TRIM2: variants seen among roughly 807,000 people sequenced by gnomAD.
TRIM2 encodes the protein tripartite motif containing 2, also known as tripartite motif-containing protein 2.
A neutral mutation model predicts 75.2 loss-of-function variants in TRIM2; 20 were observed. The observed-to-expected ratio is 0.27, with a 90% CI of 0.19 to 0.39. The LOEUF is 0.39. Among genes scored for constraint, TRIM2 ranks in the 10% least tolerant of loss-of-function variants. TRIM2 has a pLI of 1.00. For missense variants in TRIM2, 660 were observed against 990.8 expected, an observed-to-expected ratio of 0.67 and a Z score of 4.48; for synonymous variants, 373 against 388.3, an observed-to-expected ratio of 0.96 and a Z score of 0.46.
At chr4:153,241,043 C>T (rs1156336511) in intron 1 of TRIM2, among the ~76,000 whole-genome samples, 1 of 152,216 alleles carries the variant, frequency 6.6e-6, no homozygotes, top group East Asian at 1.9e-4. Context: ...CGCCACTGCA[C>T]TCCAGCCTGA....
chr4:153,174,639 A>G (rs1222139131), intron 1 of TRIM2, among the ~76,000 whole-genome samples: 1 of 152,190 alleles, frequency 6.6e-6, no homozygotes, highest in African/African-American at 2.4e-5. Flanking sequence ...CTCACCAATT[A>G]TTCATCTCAC....
At chr4:153,225,961 C>G (rs530192602) in intron 1 of TRIM2, among the ~76,000 whole-genome samples, 3 of 152,340 alleles carry the variant, frequency 2.0e-5, no homozygotes, top group Admixed American at 6.5e-5. Flanking sequence ...TCTTCCAACT[C>G]CTGGGCTCAA....
At chr4:153,305,948 A>T (rs745496376) in intron 6 of TRIM2, among the ~76,000 whole-genome samples, 3 of 152,192 alleles carry the variant, frequency 2.0e-5, no homozygotes, top group Non-Finnish European at 2.9e-5. Context: ...CAGCCTGACC[A>T]ACATGGTGAA....
At chr4:153,249,224 C>CCGGCG (rs1750143044) in intron 1 of TRIM2, among the ~76,000 whole-genome samples, 1 of 152,262 alleles carries the variant, frequency 6.6e-6, no homozygotes. Flanking sequence ...GTTCGGAATA[C>CCGGCG]CGGCGCGCAA....
intron 1 of TRIM2, among the ~76,000 whole-genome samples, chr4:153,215,676 C>T (rs139461425): frequency 6.6e-6 from 1 of 152,064 alleles, no homozygotes; most frequent in East Asian, 1.9e-4. Flanking sequence ...TTAAAAATTT[C>T]AACATATGGG....
rs5863039 is a variant in TRIM2 at position 153,336,347 on chromosome 4, CA to C, written c.*1392del. Reference sequence around the variant, plus strand: ...GTCAGAAAATGGCCTTCTGTGCTTTCAAAAAAAAAAACAAAAAAAAAACCAC... The same window carrying C: ...GTCAGAAAATGGCCTTCTGTGCTTTCAAAAAAAAAACAAAAAAAAAACCAC... On this transcript the variant is annotated 3_prime_UTR_variant, in exon 12 of 12. Transcript: ENST00000338700. 0.38 allele frequency: 321,855 copies of C among 842,772 alleles called. 33,449 individuals are homozygous for C. Among genetic ancestry groups the C allele is most frequent in the African/African-American group, 0.66 (33,384 of 50,450 alleles). 52.2% of individuals were successfully genotyped at this position (842,772 alleles called of 1,614,324 possible).
intron 1 of TRIM2, among the ~76,000 whole-genome samples, chr4:153,229,505 GC>G (rs1454527039): frequency 6.6e-6 from 1 of 152,128 alleles, no homozygotes; most frequent in South Asian, 2.1e-4. Context: ...TGATCCACCT[GC>G]CTCGGCCTCC....
intron 1 of TRIM2, among the ~76,000 whole-genome samples, chr4:153,234,054 T>G (rs1744359436): frequency 6.6e-6 from 1 of 152,220 alleles, no homozygotes; most frequent in South Asian, 2.1e-4. Flanking sequence ...CATCTTTTCC[T>G]GCACCATACA....
chr4:153,225,934 A>G lies in TRIM2; in HGVS notation c.30+21374A>G, dbSNP rs140810284. On this transcript the variant is annotated intron_variant, in intron 1 of 11. Transcript: ENST00000338700. ...CACCCAAACTTCAGTGCAGTGGCAC[A>G]ATCATGGTTCACAGCATCTTCCAAC... Among the ~76,000 whole-genome samples the G allele has an allele frequency of 6.9e-3, 1,044 of 152,298 alleles. 13 individuals are homozygous for G. The highest frequency in any genetic ancestry group is 0.023 in the African/African-American group (976 of 41,540).
In TRIM2 at chr4:153,278,920, G is replaced by A. The variant is rs564147596; in HGVS notation, c.453+2790G>A. Among the ~76,000 whole-genome samples, 14 of 152,342 alleles carry A rather than the reference G, an allele frequency of 9.2e-5. No homozygotes were observed. The East Asian group carries it at 2.3e-3, about 25-fold the overall frequency. ...GAAGCGGCTAGAACATGGAGACAGC[G>A]GAGTTGAGGGTGGGACACAGGTGGG... On this transcript the variant is annotated intron_variant, in intron 3 of 11. Transcript: ENST00000338700.
intron 1 of TRIM2, among the ~76,000 whole-genome samples, chr4:153,213,430 C>T (rs1737614814): frequency 6.6e-6 from 1 of 152,194 alleles, no homozygotes; most frequent in African/African-American, 2.4e-5. Flanking sequence ...TGATAGTTAA[C>T]ATTTGTCGAA....
intron 2 of TRIM2, among the ~76,000 whole-genome samples, chr4:153,275,238 G>A (rs1560931677): frequency 6.6e-6 from 1 of 152,184 alleles, no homozygotes; most frequent in Non-Finnish European, 1.5e-5. Context: ...CAGCATATGT[G>A]TGAGTCATTA....
chr4:153,168,682 GAAAA>G (rs34522428), intron 1 of TRIM2, among the ~76,000 whole-genome samples: 112 of 129,506 alleles, frequency 8.6e-4, no homozygotes, highest in African/African-American at 3.0e-3. Context: ...AAGTTTTTCT[GAAAA>G]AAAAAAAAAA....
At chr4:153,244,406 TTCTTCTTCTTCTTCTTCTTCTTC>T (rs1748312648) in intron 1 of TRIM2, among the ~76,000 whole-genome samples, 4 of 89,556 alleles carry the variant, frequency 4.5e-5, no homozygotes, top group Non-Finnish European at 8.2e-5. Flanking sequence ...CTTCTTCTTC[TTCTTCTTCTTCTTCTTCTTCTTC>T]TTCTTCTTTT....
rs1295562139 is a variant in TRIM2, at chr4:153,159,639, A to AT, written c.-49+6377dup. ...TATGACCATTTGAATCTCTGCTTAG[A>AT]TTTTTTTTCTTCTCTCTTGTGCTTG... On this transcript the variant is annotated intron_variant, in intron 1 of 11. Coordinates refer to the TRIM2 transcript ENST00000437508. Among the ~76,000 whole-genome samples, 5 of 151,922 alleles carry AT rather than the reference A, an allele frequency of 3.3e-5. No individual in the cohort carries two copies. The East Asian group carries it at 7.7e-4, about 23-fold the overall frequency.
At position 153,162,116 on chromosome 4, in the gene TRIM2, C is replaced by T. The variant is rs141331735; in HGVS notation, c.-49+8846C>T. Among the ~76,000 whole-genome samples, 24 of 152,284 alleles carry T rather than the reference C, an allele frequency of 1.6e-4. No homozygotes were observed. In the East Asian group the frequency reaches 4.6e-3, roughly 29 times the overall value. On this transcript the variant is annotated intron_variant, in intron 1 of 11. Coordinates refer to the TRIM2 transcript ENST00000437508. ...CTGTAGTTTTAACTCTTTATTCTGGCATTTAGTCATTTAGCTTACTGCTTG... is the reference window on the plus strand; with the variant it reads ...CTGTAGTTTTAACTCTTTATTCTGGTATTTAGTCATTTAGCTTACTGCTTG...
intron 8 of TRIM2, among the ~76,000 whole-genome samples, chr4:153,320,858 C>T (rs111715873): frequency 1.1e-3 from 174 of 152,282 alleles, no homozygotes; most frequent in African/African-American, 3.7e-3. Flanking sequence ...TCTCGAACTC[C>T]TGACCTCAAG....
intron 1 of TRIM2, among the ~76,000 whole-genome samples, chr4:153,261,756 A>G (rs1033999514): frequency 1.3e-5 from 2 of 152,212 alleles, no homozygotes; most frequent in African/African-American, 4.8e-5. Flanking sequence ...GGTGTCAGCA[A>G]TAAAGAGTGT....
intron 1 of TRIM2, chr4:153,266,879 G>A (rs1755281345): frequency 6.8e-6 from 1 of 146,826 alleles, no homozygotes; most frequent in East Asian, 2.0e-4. Flanking sequence ...TACATAAACA[G>A]CAGAATTTTC....
Sources: allele counts gnomAD v4.1 joint callset (sites outside exome capture counted in the v4.1 genomes callset), GRCh38; gene constraint gnomAD v4.1.1; transcripts MANE v1.5; gene names NCBI Gene and HGNC (gene_info 2026-07-23, HGNC 2026-07-21).